Variants in RAB27A observed in about 807,000 individuals in gnomAD.
RAB27A encodes RAB27A, member RAS oncogene family, also known as ras-related protein Rab-27A.
RAB27A carries 17 observed loss-of-function variants against 20.8 expected under a neutral mutation model. The ratio of observed to expected loss-of-function variants is 0.82; its 90% confidence interval spans 0.56 to 1.23. The LOEUF (loss-of-function observed/expected upper bound fraction) is 1.23, where lower values mean the gene tolerates loss of function less well. Among genes scored for constraint, RAB27A ranks in the 50% most tolerant of loss-of-function variants. The pLI, the probability that RAB27A is intolerant of heterozygous loss-of-function variation, is 0.00. For synonymous variants in RAB27A, 85 were observed against 92.8 expected, an observed-to-expected ratio of 0.92 and a Z score of 0.48; for missense variants, 277 against 266.7, an observed-to-expected ratio of 1.04 and a Z score of -0.27.
chr15:55,312,009 G>A lies in RAB27A; in HGVS notation c.-112+2030C>T, dbSNP rs371855861. ...CAAGGAATGGAATCTTGGGCCATGC[G>A]GTGAGTGTTATAGCTCTATTAGAAG... On this transcript the variant is annotated intron_variant, in intron 2 of 5. Coordinates refer to the RAB27A transcript ENST00000563262. 8.5e-5 allele frequency among the ~76,000 whole-genome samples: 13 copies of A among 152,330 alleles called. No homozygotes were observed. The East Asian group carries it at 1.2e-3, about 14-fold the overall frequency.
intron 2 of RAB27A, among the ~76,000 whole-genome samples, chr15:55,302,223 A>G (rs559435401): frequency 1.3e-3 from 197 of 151,020 alleles, no homozygotes; most frequent in African/African-American, 4.5e-3. Context: ...CAAAAACAAC[A>G]ACAACACCCG....
At chr15:55,247,147 G>C (rs1212109208) in intron 2 of RAB27A, among the ~76,000 whole-genome samples, 1 of 151,964 alleles carries the variant, frequency 6.6e-6, no homozygotes, top group Non-Finnish European at 1.5e-5. Flanking sequence ...TCCTGAAAAT[G>C]AAAAAGGAGG....
chr15:55,241,602 A>ATATATATATATGTG (rs1896485661), intron 2 of RAB27A, among the ~76,000 whole-genome samples: 1 of 46,024 alleles, frequency 2.2e-5, no homozygotes, highest in African/African-American at 9.6e-5. Context: ...AGACCTATTT[A>ATATATATATATGTG]TATATATATA....
intron 6 of RAB27A, among the ~76,000 whole-genome samples, chr15:55,210,343 C>T (rs1305271735): frequency 4.0e-5 from 6 of 150,414 alleles, no homozygotes. Flanking sequence ...TACTTTCCCA[C>T]CAACAATGTA....
At chr15:55,245,099 A>G (rs1045358976) in intron 2 of RAB27A, among the ~76,000 whole-genome samples, 2 of 152,168 alleles carry the variant, frequency 1.3e-5, no homozygotes, top group Non-Finnish European at 2.9e-5. Flanking sequence ...GGACACTTGT[A>G]TTTACCAAAT....
chr15:55,317,520 G>A (rs1465434486), intron 1 of RAB27A: 1 of 347,380 alleles, frequency 2.9e-6, no homozygotes, highest in South Asian at 1.5e-4. Flanking sequence ...TCACCATGTT[G>A]GTCAGGCTGG....
At position 55,285,989 on chromosome 15, in the gene RAB27A, T is replaced by C. The variant is rs536442241; in HGVS notation, c.-143+3727A>G. ...TTTCCCTTTTTAAGGAAGATAAGAC[T>C]ATTATTTTTGGGAAAGTAGGACAGA... On this transcript the variant is annotated intron_variant, in intron 1 of 6. Transcript: ENST00000336787. Among the ~76,000 whole-genome samples, 3 of 152,322 alleles carry C rather than the reference T, an allele frequency of 2.0e-5. No individual in the cohort carries two copies. The South Asian group carries it at 6.2e-4, about 32-fold the overall frequency.
At chr15:55,238,753 A>G (rs1261387694) in intron 2 of RAB27A, among the ~76,000 whole-genome samples, 1 of 152,196 alleles carries the variant, frequency 6.6e-6, no homozygotes, top group Non-Finnish European at 1.5e-5. Context: ...AACAAAGATC[A>G]CTTTCAAATA....
At chr15:55,241,558 G>A (rs7176528) in intron 2 of RAB27A, among the ~76,000 whole-genome samples, 3,217 of 145,336 alleles carry the variant, frequency 0.022, 154 homozygotes, top group African/African-American at 0.084. Context: ...ATGGCTTGAC[G>A]TCAGGAGTTC....
chr15:55,269,280 T>C (rs944143208), intron 2 of RAB27A, among the ~76,000 whole-genome samples: 1 of 152,174 alleles, frequency 6.6e-6, no homozygotes, highest in Non-Finnish European at 1.5e-5. Context: ...ACCACTCAGA[T>C]CTTTCACTCC....
At chr15:55,218,142 T>G (rs1212303550) in intron 6 of RAB27A, among the ~76,000 whole-genome samples, 1 of 152,228 alleles carries the variant, frequency 6.6e-6, no homozygotes, top group Non-Finnish European at 1.5e-5. Context: ...CTGTAGATAT[T>G]TGGCTCACAT....
chr15:55,235,002 C>T (rs1896197374), intron 2 of RAB27A, 46 bp from the exon 3 acceptor site: 3 of 1,399,208 alleles, frequency 2.1e-6, no homozygotes, highest in Non-Finnish European at 3.0e-6. Flanking sequence ...CATTAGAAAA[C>T]ATTAATTATC....
chr15:55,281,973 G>A (rs192159878), intron 1 of RAB27A, among the ~76,000 whole-genome samples: 1 of 152,246 alleles, frequency 6.6e-6, no homozygotes, highest in Admixed American at 6.5e-5. Flanking sequence ...TGTGAAGAAT[G>A]GGCTATGGCA....
At position 55,204,124 on chromosome 15, in the gene RAB27A, A is replaced by G. The variant is rs1894530625; in HGVS notation, c.*1383T>C. 6.6e-6 allele frequency: 1 copy of G among 152,222 alleles called. No individual in the cohort carries two copies. The highest frequency in any genetic ancestry group is 2.1e-4 in the South Asian group (1 of 4,836). The allele number at this position is 152,222 out of a possible 1,614,324, so 9.4% of individuals were successfully genotyped here. Reference sequence around the variant, plus strand: ...TTCTTTATTTAAATTATGGTGAGTGATATTTCTTCCTATATAGCCATTAAG... The same window carrying G: ...TTCTTTATTTAAATTATGGTGAGTGGTATTTCTTCCTATATAGCCATTAAG... On this transcript the variant is annotated 3_prime_UTR_variant, in exon 7 of 7. Coordinates refer to ENST00000336787, the MANE Select transcript of RAB27A (RefSeq NM_183235.3).
At chr15:55,292,980 A>T (rs2054931100), upstream of RAB27A, among the ~76,000 whole-genome samples, 2 of 152,222 alleles carry the variant, frequency 1.3e-5, no homozygotes, top group South Asian at 4.1e-4. Context: ...GGAGAGTGTT[A>T]TTACAGAAAC....
At chr15:55,220,762 G>A (rs1017910361) in intron 6 of RAB27A, among the ~76,000 whole-genome samples, 1 of 152,116 alleles carries the variant, frequency 6.6e-6, no homozygotes, top group Non-Finnish European at 1.5e-5. Context: ...AATGTTCTAA[G>A]AATGAAACAA....
At chr15:55,228,906 C>T (rs1172944008) in intron 4 of RAB27A, among the ~76,000 whole-genome samples, 194 bp from the exon 5 acceptor site, 2 of 152,170 alleles carry the variant, frequency 1.3e-5, no homozygotes, top group East Asian at 1.9e-4. Flanking sequence ...ATTTGAAAAC[C>T]GAGGCTGCTG....
intron 2 of RAB27A, among the ~76,000 whole-genome samples, chr15:55,252,489 C>A (rs2141040165): frequency 6.6e-6 from 1 of 152,226 alleles, no homozygotes; most frequent in African/African-American, 2.4e-5. Context: ...GTAATCCTAG[C>A]TACTCTGAAG....
intron 1 of RAB27A, chr15:55,317,797 G>T: frequency 2.5e-6 from 1 of 398,004 alleles, no homozygotes; most frequent in Non-Finnish European, 4.4e-6. Flanking sequence ...AAACATTGCT[G>T]CAACAAATAC....
Sources: allele counts gnomAD v4.1 joint callset (sites outside exome capture counted in the v4.1 genomes callset), GRCh38; gene constraint gnomAD v4.1.1; transcripts MANE v1.5; gene names NCBI Gene and HGNC (gene_info 2026-07-23, HGNC 2026-07-21).